STK4: variants seen among roughly 807,000 people sequenced by gnomAD.
STK4 encodes the protein serine/threonine-protein kinase 4.
STK4 carries 30 observed loss-of-function variants against 64.9 expected under a neutral mutation model. That is an observed-to-expected ratio of 0.46 (90% CI 0.35 to 0.63). STK4 has a LOEUF of 0.63. Ranked by LOEUF, STK4 falls within the 20% of genes least tolerant of loss-of-function variation. The pLI is 0.01. For missense variants in STK4, 466 were observed against 598.5 expected (o/e 0.78, Z 2.31); for synonymous variants, 177 against 199.0 (o/e 0.89, Z 0.93).
intron 6 of STK4, among the ~76,000 whole-genome samples, chr20:44,995,967 T>A (rs1290498531): frequency 6.6e-6 from 1 of 152,238 alleles, no homozygotes; most frequent in Non-Finnish European, 1.5e-5. Flanking sequence ...TCTCCATGAT[T>A]CCCTGTTGTG....
Position 44,996,972 on chromosome 20 carries a change from G to C in STK4, c.694-197G>C, listed in dbSNP as rs537674259. On this transcript the variant is annotated intron_variant, in intron 6 of 10. Coordinates refer to ENST00000372806, the MANE Select transcript of STK4 (RefSeq NM_006282.5). Reference sequence around the variant, plus strand: ...GGGAACAAGACCCATATATGAGAGAGGGAAAAGGAGAGAGGGAGATATATC... The same window carrying C: ...GGGAACAAGACCCATATATGAGAGACGGAAAAGGAGAGAGGGAGATATATC... Among the ~76,000 whole-genome samples the C allele has an allele frequency of 7.2e-5, 11 of 152,176 alleles. No individual in the cohort carries two copies. In the East Asian group the frequency reaches 2.1e-3, roughly 29 times the overall value.
chr20:45,048,679 A>G (rs544684189), intron 10 of STK4, among the ~76,000 whole-genome samples: 1 of 152,066 alleles, frequency 6.6e-6, no homozygotes, highest in East Asian at 1.9e-4. Flanking sequence ...ACGGGGTTTC[A>G]CCATGTTGGC....
intron 10 of STK4, among the ~76,000 whole-genome samples, chr20:45,056,354 C>T (rs1978484135): frequency 6.6e-6 from 1 of 152,150 alleles, no homozygotes; most frequent in Non-Finnish European, 1.5e-5. Flanking sequence ...CAGTATATAG[C>T]CTTTTGTGTT....
At chr20:45,035,939 A>G (rs920489251) in intron 10 of STK4, among the ~76,000 whole-genome samples, 15 of 152,298 alleles carry the variant, frequency 9.8e-5, no homozygotes, top group African/African-American at 2.9e-4. Context: ...TCGCTCTCAG[A>G]ACCATCCCAT....
Position 45,024,969 on chromosome 20 carries a change from T to C in STK4, c.1148-4T>C, listed in dbSNP as rs1316673361. The C allele has an allele frequency of 1.3e-6, 2 of 1,551,120 alleles. No individual in the cohort carries two copies. The highest frequency in any genetic ancestry group is 1.7e-6 in the Non-Finnish European group (2 of 1,153,048). ...TTTCATTTTTCATTTTTCTTTGTTT[T>C]CAGGAAGGGATGAGACCATGCAGCC... is the stretch of plus-strand genomic sequence containing the variant. On this transcript the variant is annotated splice_region_variant and splice_polypyrimidine_tract_variant and intron_variant, in intron 9 of 10. Coordinates refer to ENST00000372806, the MANE Select transcript of STK4 (RefSeq NM_006282.5).
intron 9 of STK4, among the ~76,000 whole-genome samples, chr20:45,018,126 A>T (rs1192323034): frequency 6.6e-6 from 1 of 152,242 alleles, no homozygotes; most frequent in African/African-American, 2.4e-5. Flanking sequence ...GTTAGAAAAA[A>T]ACAAACCCTG....
intron 10 of STK4, among the ~76,000 whole-genome samples, chr20:45,063,953 G>A (rs932768550): frequency 5.3e-5 from 8 of 151,776 alleles, no homozygotes; most frequent in South Asian, 4.2e-4. Flanking sequence ...GAATACAGGC[G>A]CCCGCCACTA....
intron 10 of STK4, among the ~76,000 whole-genome samples, chr20:45,031,098 C>T (rs1195111082): frequency 6.6e-6 from 1 of 151,956 alleles, no homozygotes; most frequent in Non-Finnish European, 1.5e-5. Flanking sequence ...GGCCCATGTT[C>T]TCATGGAGTT....
intron 5 of STK4, among the ~76,000 whole-genome samples, chr20:44,993,038 T>A (rs984503250): frequency 6.6e-6 from 1 of 152,184 alleles, no homozygotes; most frequent in Non-Finnish European, 1.5e-5. Context: ...CTTTGTTTTT[T>A]ATGTTTAAAA....
chr20:44,982,062 A>C, intron 4 of STK4, 119 bp downstream of exon 4: 3 of 513,140 alleles, frequency 5.8e-6, no homozygotes, highest in Non-Finnish European at 1.0e-5. Flanking sequence ...CCCCTTTTCC[A>C]TGGTTATTTT....
At chr20:44,966,624 A>G (rs912325725) in intron 1 of STK4, 21 bp downstream of exon 1, 1 of 1,273,424 alleles carries the variant, frequency 7.9e-7, no homozygotes, top group Non-Finnish European at 1.0e-6. Context: ...ACTGGCTAAG[A>G]GGACGGGCAT....
intron 10 of STK4, among the ~76,000 whole-genome samples, chr20:45,027,915 A>G (rs76996915): frequency 0.014 from 2,061 of 152,262 alleles, 40 homozygotes; most frequent in African/African-American, 0.046. Context: ...AGTAATATCC[A>G]TGTTGCAATA....
intron 5 of STK4, among the ~76,000 whole-genome samples, chr20:44,993,041 G>A (rs2145679131): frequency 6.6e-6 from 1 of 151,824 alleles, no homozygotes; most frequent in South Asian, 2.1e-4. Context: ...TGTTTTTTAT[G>A]TTTAAAATTT....
At chr20:45,074,586 T>C (rs1259900306) in intron 10 of STK4, among the ~76,000 whole-genome samples, 1 of 151,764 alleles carries the variant, frequency 6.6e-6, no homozygotes, top group Admixed American at 6.6e-5. Flanking sequence ...TGTCGTATCC[T>C]GAAAGTGGGA....
intron 10 of STK4, among the ~76,000 whole-genome samples, chr20:45,055,201 C>G (rs571013995): frequency 5.9e-5 from 9 of 152,244 alleles, no homozygotes; most frequent in African/African-American, 2.2e-4. Context: ...CACGTATATT[C>G]AGAAATATCA....
chr20:45,003,032 A>T (rs1046760765), intron 9 of STK4, among the ~76,000 whole-genome samples: 1 of 152,060 alleles, frequency 6.6e-6, no homozygotes, highest in Non-Finnish European at 1.5e-5. Flanking sequence ...TTTTTAACAG[A>T]TAGGGTCTTG....
chr20:45,052,213 C>A (rs569666356), intron 10 of STK4, among the ~76,000 whole-genome samples: 1 of 152,212 alleles, frequency 6.6e-6, no homozygotes. Flanking sequence ...AAAACACACT[C>A]ATTATAGAAA....
intron 7 of STK4, 54 bp downstream of exon 7, chr20:44,997,360 A>G (rs1217689731): frequency 6.5e-7 from 1 of 1,538,328 alleles, no homozygotes; most frequent in East Asian, 2.3e-5. Context: ...TTGCTGACCA[A>G]AAGATGCCAT....
At chr20:45,071,444 T>C (rs145573129) in intron 10 of STK4, among the ~76,000 whole-genome samples, 1 of 152,346 alleles carries the variant, frequency 6.6e-6, no homozygotes, top group East Asian at 1.9e-4. Flanking sequence ...CTGGATGATA[T>C]GACTGAGTCA....
Sources: allele counts gnomAD v4.1 joint callset (sites outside exome capture counted in the v4.1 genomes callset), GRCh38; gene constraint gnomAD v4.1.1; transcripts MANE v1.5; gene names NCBI Gene and HGNC (gene_info 2026-07-23, HGNC 2026-07-21).